XRCC4: variants seen among roughly 807,000 people sequenced by gnomAD.
The protein encoded by XRCC4 is X-ray repair cross complementing 4.
XRCC4 carries 28 observed loss-of-function variants against 39.1 expected under a neutral mutation model. That is an observed-to-expected ratio of 0.72 (90% CI 0.53 to 0.98). XRCC4 has a LOEUF of 0.98. XRCC4 is among the 50% of genes least tolerant of loss of function. XRCC4 has a pLI of 0.00. For synonymous variants in XRCC4, 123 were observed against 126.4 expected (o/e 0.97, Z 0.18); for missense variants, 350 against 376.4 (o/e 0.93, Z 0.58).
chr5:83,187,556 T>C (rs909028006), intron 3 of XRCC4, among the ~76,000 whole-genome samples: 64 of 152,276 alleles, frequency 4.2e-4, no homozygotes, highest in African/African-American at 1.5e-3. Flanking sequence ...AGAAGGCAAG[T>C]GGCTGGGGCA....
intron 6 of XRCC4, among the ~76,000 whole-genome samples, chr5:83,209,676 C>T (rs1022850336): frequency 1.3e-5 from 2 of 151,998 alleles, no homozygotes; most frequent in Admixed American, 1.3e-4. Flanking sequence ...GATTTTAATT[C>T]CTCACTAATT....
intron 6 of XRCC4, among the ~76,000 whole-genome samples, chr5:83,252,533 A>G (rs1321813549): frequency 6.6e-6 from 1 of 152,032 alleles, no homozygotes; most frequent in African/African-American, 2.4e-5. Flanking sequence ...CGTTGACAAC[A>G]TACTGTTTTA....
At chr5:83,315,112 A>C (rs1755834776) in intron 7 of XRCC4, among the ~76,000 whole-genome samples, 1 of 152,196 alleles carries the variant, frequency 6.6e-6, no homozygotes, top group Non-Finnish European at 1.5e-5. Context: ...CACATGAATG[A>C]CAAGAAAGTA....
At position 83,130,805 on chromosome 5, in the gene XRCC4, C is replaced by T. The variant is rs138403518; in HGVS notation, c.315+19602C>T. On this transcript the variant is annotated intron_variant, in intron 3 of 7. Coordinates refer to ENST00000396027, the MANE Select transcript of XRCC4 (RefSeq NM_003401.5). ...ATGGTAGTTTTTATTTCTGTGGGATCGTTGGTGATATCCCCTTTATCATTT... is the reference window on the plus strand; with the variant it reads ...ATGGTAGTTTTTATTTCTGTGGGATTGTTGGTGATATCCCCTTTATCATTT... Among the ~76,000 whole-genome samples, 1,384 of 152,160 alleles carry T rather than the reference C, an allele frequency of 9.1e-3. 16 individuals are homozygous for T. Among genetic ancestry groups the T allele is most frequent in the African/African-American group, 0.03 (1,265 of 41,504 alleles).
intron 6 of XRCC4, among the ~76,000 whole-genome samples, chr5:83,212,005 A>G (rs535032467): frequency 6.6e-6 from 1 of 152,288 alleles, no homozygotes; most frequent in East Asian, 1.9e-4. Flanking sequence ...GTCAATAGAA[A>G]ATGTTTCAGA....
intron 7 of XRCC4, among the ~76,000 whole-genome samples, chr5:83,262,305 A>T (rs1753780885): frequency 1.3e-5 from 2 of 152,152 alleles, no homozygotes; most frequent in Admixed American, 6.6e-5. Flanking sequence ...AGAGACAAAG[A>T]TATACACAAA....
chr5:83,113,498 C>T (rs1233018865), intron 3 of XRCC4, among the ~76,000 whole-genome samples: 1 of 152,202 alleles, frequency 6.6e-6, no homozygotes, highest in Non-Finnish European at 1.5e-5. Context: ...TAGGCAGTGC[C>T]CCAGTGGGGA....
rs188694912 is a variant in XRCC4 at position 83,305,563 on chromosome 5, C to G, written c.893+46886C>G. The stretch of plus-strand genomic sequence containing the variant: ...AAGAACTTCTGTTCTGAGGAATACC[C>G]TTTGGAAAATTCTGCACTACACTAT... On this transcript the variant is annotated intron_variant, in intron 7 of 7. Transcript: ENST00000396027. Among the ~76,000 whole-genome samples the G allele has an allele frequency of 1.7e-3, 255 of 152,096 alleles. 1 individual carries two copies. The highest frequency in any genetic ancestry group is 5.9e-3 in the African/African-American group (246 of 41,514).
At chr5:83,235,334 C>CAAAAAAA (rs57372204) in intron 6 of XRCC4, among the ~76,000 whole-genome samples, 7 of 58,680 alleles carry the variant, frequency 1.2e-4, no homozygotes, top group African/African-American at 3.0e-4. Flanking sequence ...GACCCTATCT[C>CAAAAAAA]AAAAAAAAAA....
chr5:83,194,383 G>A (rs1302078231), intron 3 of XRCC4, among the ~76,000 whole-genome samples: 2 of 152,172 alleles, frequency 1.3e-5, no homozygotes, highest in African/African-American at 4.8e-5. Context: ...TGCCTGTTAA[G>A]TGGACTCATA....
chr5:83,142,673 C>T (rs113539584), intron 3 of XRCC4, among the ~76,000 whole-genome samples: 3,825 of 117,854 alleles, frequency 0.032, 66 homozygotes, highest in East Asian at 0.073. Flanking sequence ...GAGAGTGAGT[C>T]TCCTGTTTTT....
chr5:83,192,526 G>T lies in XRCC4; in HGVS notation c.316-3244G>T, dbSNP rs2731843. 3.3e-5 allele frequency among the ~76,000 whole-genome samples: 5 copies of T among 151,694 alleles called. No individual in the cohort carries two copies. The East Asian group carries it at 9.7e-4, about 29-fold the overall frequency. ...GGGTTTCACCATGTTGCCCAGGCTG[G>T]TCTCAAACTCTTGAGCTCAGGCAAT... On this transcript the variant is annotated intron_variant, in intron 3 of 7. Coordinates refer to ENST00000396027, the MANE Select transcript of XRCC4 (RefSeq NM_003401.5).
chr5:83,227,224 A>AAT (rs1752324445), intron 6 of XRCC4, among the ~76,000 whole-genome samples: 1 of 152,086 alleles, frequency 6.6e-6, no homozygotes, highest in South Asian at 2.1e-4. Flanking sequence ...CTCCGTTGTC[A>AAT]GATACTTAAA....
At chr5:83,214,825 A>C (rs1751791047) in intron 6 of XRCC4, among the ~76,000 whole-genome samples, 1 of 143,720 alleles carries the variant, frequency 7.0e-6, no homozygotes, top group Non-Finnish European at 1.5e-5. Context: ...CGACAGAGCA[A>C]GACTCCTTCT....
Position 83,293,924 on chromosome 5 carries a change from C to A in XRCC4, c.893+35247C>A, listed in dbSNP as rs370251002. Among the ~76,000 whole-genome samples the A allele has an allele frequency of 2.2e-4, 34 of 152,046 alleles. 1 individual carries two copies. In the East Asian group the frequency reaches 5.6e-3, roughly 25 times the overall value. ...TAAAAATAACTGATGTATCAGTATTCTTTTAAAAGTTGGTTTTATTTTAAA... is the reference window on the plus strand; with the variant it reads ...TAAAAATAACTGATGTATCAGTATTATTTTAAAAGTTGGTTTTATTTTAAA... On this transcript the variant is annotated intron_variant, in intron 7 of 7. Coordinates refer to ENST00000396027, the MANE Select transcript of XRCC4 (RefSeq NM_003401.5).
chr5:83,183,251 G>A (rs535288804), intron 3 of XRCC4, among the ~76,000 whole-genome samples: 5 of 150,830 alleles, frequency 3.3e-5, no homozygotes, highest in African/African-American at 1.2e-4. Flanking sequence ...TTTTAATCTG[G>A]TGTGCTAGGT....
At chr5:83,245,961 T>C (rs1753085131) in intron 6 of XRCC4, among the ~76,000 whole-genome samples, 2 of 152,036 alleles carry the variant, frequency 1.3e-5, no homozygotes, top group Non-Finnish European at 2.9e-5. Flanking sequence ...TAACTGTTTC[T>C]TTCATCCTTG....
chr5:83,174,425 A>G (rs1294082838), intron 3 of XRCC4, among the ~76,000 whole-genome samples: 1 of 152,120 alleles, frequency 6.6e-6, no homozygotes, highest in Non-Finnish European at 1.5e-5. Flanking sequence ...AATATAGACT[A>G]TATTGTCAGA....
chr5:83,232,279 T>C (rs1414872292), intron 6 of XRCC4, among the ~76,000 whole-genome samples: 1 of 152,064 alleles, frequency 6.6e-6, no homozygotes, highest in African/African-American at 2.4e-5. Context: ...TTTTAGTTAG[T>C]TGTGTACTGG....
Sources: allele counts gnomAD v4.1 joint callset (sites outside exome capture counted in the v4.1 genomes callset), GRCh38; gene constraint gnomAD v4.1.1; transcripts MANE v1.5; gene names NCBI Gene and HGNC (gene_info 2026-07-23, HGNC 2026-07-21).